The following DGKI variants were observed in gnomAD, a reference collection of about 807,000 sequenced individuals.
The protein encoded by DGKI is diacylglycerol kinase iota, also known as DAG kinase iota.
In DGKI, 55 loss-of-function variants were observed where a neutral mutation model predicts 147.5. That is an observed-to-expected ratio of 0.37 (90% CI 0.30 to 0.47). The LOEUF is 0.47. DGKI is among the 20% of genes least tolerant of loss of function. The pLI is 1.00. For missense variants in DGKI, 1,007 were observed against 1,323.8 expected, an observed-to-expected ratio of 0.76 and a Z score of 3.71; for synonymous variants, 469 against 477.1, an observed-to-expected ratio of 0.98 and a Z score of 0.22.
intron 23 of DGKI, among the ~76,000 whole-genome samples, chr7:137,474,002 C>T (rs1208895424): frequency 6.6e-6 from 1 of 152,136 alleles, no homozygotes; most frequent in East Asian, 1.9e-4. Context: ...CTGTGAAATG[C>T]TTCCCTGAAA....
chr7:137,714,425 C>A (rs1022729176), intron 1 of DGKI, among the ~76,000 whole-genome samples: 2 of 152,012 alleles, frequency 1.3e-5, no homozygotes, highest in African/African-American at 4.8e-5. Context: ...TCTTCTATTT[C>A]TTTATACCTA....
At chr7:137,471,418 A>T (rs1361478167) in intron 23 of DGKI, among the ~76,000 whole-genome samples, 1 of 152,166 alleles carries the variant, frequency 6.6e-6, no homozygotes, top group Non-Finnish European at 1.5e-5. Context: ...ACCCAATCAG[A>T]GGTTGTACTG....
chr7:137,803,635 T>C (rs1797279215), intron 1 of DGKI, among the ~76,000 whole-genome samples: 1 of 152,240 alleles, frequency 6.6e-6, no homozygotes, highest in Non-Finnish European at 1.5e-5. Context: ...TTGAAGTCTC[T>C]GGAAAACTTT....
Position 137,385,272 on chromosome 7 carries a change from A to G in DGKI, c.*5948T>C, listed in dbSNP as rs1239442221. On this transcript the variant is annotated 3_prime_UTR_variant, in exon 33 of 33. Transcript: ENST00000614521. ...TTTAAAATTTTTTAAATGATAACTA[A>G]CGGCCATTCCCCTAGATATTTTTAA... The G allele has an allele frequency of 6.6e-6, 1 of 152,100 alleles. No homozygotes were observed. The highest frequency in any genetic ancestry group is 1.9e-4 in the East Asian group (1 of 5,198). 9.4% of individuals were successfully genotyped at this position (152,100 alleles called of 1,614,324 possible).
chr7:137,394,363 C>G (rs1300140541), intron 32 of DGKI, among the ~76,000 whole-genome samples: 3 of 152,186 alleles, frequency 2.0e-5, no homozygotes, highest in African/African-American at 7.2e-5. Context: ...GACAATTCTT[C>G]TTTGTCCAAT....
intron 13 of DGKI, among the ~76,000 whole-genome samples, chr7:137,586,249 A>G (rs1819391418): frequency 6.6e-6 from 1 of 152,056 alleles, no homozygotes; most frequent in South Asian, 2.1e-4. Flanking sequence ...ACATGGCGAA[A>G]CCCTGTCTCT....
chr7:137,664,075 CA>C (rs1349412080), intron 3 of DGKI, among the ~76,000 whole-genome samples: 1 of 151,920 alleles, frequency 6.6e-6, no homozygotes, highest in African/African-American at 2.4e-5. Context: ...CCTCTGCCCA[CA>C]ATAGGGAAAA....
intron 5 of DGKI, among the ~76,000 whole-genome samples, chr7:137,646,995 G>C (rs1325070637): frequency 6.6e-6 from 1 of 152,058 alleles, no homozygotes; most frequent in Non-Finnish European, 1.5e-5. Context: ...ACTATAATCA[G>C]ATATAAATAA....
chr7:137,693,378 T>C (rs1823677165), intron 1 of DGKI, among the ~76,000 whole-genome samples: 1 of 152,216 alleles, frequency 6.6e-6, no homozygotes, highest in Non-Finnish European at 1.5e-5. Context: ...AGGAGATGGC[T>C]ATAATCACAA....
At chr7:137,710,269 T>C (rs923023984) in intron 1 of DGKI, among the ~76,000 whole-genome samples, 4 of 152,098 alleles carry the variant, frequency 2.6e-5, no homozygotes, top group Non-Finnish European at 5.9e-5. Flanking sequence ...TGAGGGAACT[T>C]GACAAGCTAA....
intron 1 of DGKI, among the ~76,000 whole-genome samples, chr7:137,759,974 G>T (rs890570337): frequency 6.6e-6 from 1 of 152,248 alleles, no homozygotes; most frequent in South Asian, 2.1e-4. Context: ...CTACCATAGC[G>T]TGAGTGAGAA....
In DGKI at chr7:137,419,791, A is replaced by G. The variant is rs559342749; in HGVS notation, c.2762-7584T>C. On this transcript the variant is annotated intron_variant, in intron 28 of 32. Coordinates refer to ENST00000614521, the MANE Select transcript of DGKI (RefSeq NM_001321708.2). ...ATCTAGGCCTAGAGGACTTTTTCAC[A>G]ATCAGTAAAAAGACATGTGACAAAT... Among the ~76,000 whole-genome samples, 3 of 152,340 alleles carry G rather than the reference A, an allele frequency of 2.0e-5. No individual in the cohort carries two copies. The East Asian group carries it at 5.8e-4, about 29-fold the overall frequency.
intron 1 of DGKI, among the ~76,000 whole-genome samples, chr7:137,834,879 CA>C (rs1471716354): frequency 2.0e-5 from 3 of 152,148 alleles, no homozygotes; most frequent in Non-Finnish European, 4.4e-5. Flanking sequence ...ATAGTGCAAT[CA>C]AAAAATATAG....
intron 1 of DGKI, among the ~76,000 whole-genome samples, chr7:137,756,291 G>A (rs1432779787): frequency 6.6e-6 from 1 of 152,150 alleles, no homozygotes. Context: ...CTTGTTATCA[G>A]GCTCCAAGTT....
At chr7:137,445,579 G>A (rs1321683848) in intron 27 of DGKI, among the ~76,000 whole-genome samples, 1 of 152,180 alleles carries the variant, frequency 6.6e-6, no homozygotes, top group Admixed American at 6.5e-5. Flanking sequence ...AACTAAGGCT[G>A]TATCTTATTT....
chr7:137,587,401 G>A (rs1819445473), intron 12 of DGKI, among the ~76,000 whole-genome samples, 191 bp from the exon 13 acceptor site: 1 of 152,116 alleles, frequency 6.6e-6, no homozygotes, highest in South Asian at 2.1e-4. Context: ...ATGGTTAAAG[G>A]AAAAAGGACC....
chr7:137,792,154 G>A (rs893125829), intron 1 of DGKI, among the ~76,000 whole-genome samples: 2 of 152,120 alleles, frequency 1.3e-5, no homozygotes, highest in African/African-American at 4.8e-5. Context: ...ACACAGACAG[G>A]GGGAGCCGGC....
chr7:137,647,346 G>C (rs1305476739), intron 5 of DGKI, among the ~76,000 whole-genome samples: 1 of 152,116 alleles, frequency 6.6e-6, no homozygotes, highest in Non-Finnish European at 1.5e-5. Flanking sequence ...CTCAACATTA[G>C]AGACCACTTC....
At chr7:137,552,259 G>T in intron 20 of DGKI, 110 bp downstream of exon 20, 1 of 1,137,850 alleles carries the variant, frequency 8.8e-7, no homozygotes, top group Non-Finnish European at 1.3e-6. Flanking sequence ...TGAGTCTCCT[G>T]GACTTTTTTC....
Sources: gnomAD v4.1 joint callset for allele counts (sites outside exome capture counted in the v4.1 genomes callset) on GRCh38, gnomAD v4.1.1 for gene constraint, MANE v1.5 for transcripts, NCBI Gene and HGNC (gene_info 2026-07-23, HGNC 2026-07-21) for gene names.